Variants in SLC7A7 observed in about 807,000 individuals in gnomAD.
SLC7A7 encodes Y+L amino acid transporter 1.
SLC7A7 carries 39 observed loss-of-function variants against 47.9 expected under a neutral mutation model. The ratio of observed to expected loss-of-function variants is 0.81; its 90% CI spans 0.63 to 1.06. The LOEUF is 1.06. Among genes scored for constraint, SLC7A7 ranks in the 50% least tolerant of loss-of-function variants. The pLI, the probability that SLC7A7 is intolerant of heterozygous loss-of-function variation, is 0.00. For missense variants in SLC7A7, 588 were observed against 632.0 expected (o/e 0.93, Z 0.75); for synonymous variants, 234 against 242.8 (o/e 0.96, Z 0.34).
At chr14:22,781,103 T>C (rs1200216852) in intron 2 of SLC7A7, among the ~76,000 whole-genome samples, 2 of 152,140 alleles carry the variant, frequency 1.3e-5, no homozygotes, top group East Asian at 3.9e-4. Context: ...ACTGGAACAC[T>C]ATAAGGAGGG....
In SLC7A7 at chr14:22,782,939, A is replaced by ATT. The variant is rs34783556; in HGVS notation, c.500-2890_500-2889dup. On this transcript the variant is annotated intron_variant, in intron 2 of 9. Coordinates refer to ENST00000674313, the MANE Select transcript of SLC7A7 (RefSeq NM_003982.4). ...CACCATGCCCAGCTAATTTGTTTTA[A>ATT]TTTTTTTTTTTTTTGAGATGGAGTC... 8.4e-3 allele frequency among the ~76,000 whole-genome samples: 1,205 copies of ATT among 143,354 alleles called. 18 individuals carry two copies. Among genetic ancestry groups the ATT allele is most frequent in the African/African-American group, 0.028 (1,091 of 38,866 alleles). 94.0% of individuals were successfully genotyped at this position (143,354 alleles called of 152,430 possible).
chr14:22,809,091 G>T (rs1205443404), intron 2 of SLC7A7, among the ~76,000 whole-genome samples: 1 of 152,246 alleles, frequency 6.6e-6, no homozygotes, highest in African/African-American at 2.4e-5. Flanking sequence ...TGTCACACAT[G>T]TGTGTACAAA....
At chr14:22,782,996 C>T (rs1001718933) in intron 2 of SLC7A7, among the ~76,000 whole-genome samples, 31 of 149,706 alleles carry the variant, frequency 2.1e-4, no homozygotes, top group East Asian at 2.0e-4. Context: ...TGCAGTGGTG[C>T]GATCTCAGCT....
intron 4 of SLC7A7, among the ~76,000 whole-genome samples, chr14:22,776,769 A>G (rs1451986271): frequency 6.6e-6 from 1 of 152,116 alleles, no homozygotes; most frequent in Non-Finnish European, 1.5e-5. Flanking sequence ...GGAGTTCAAG[A>G]CCAGCCTGGC....
intron 2 of SLC7A7, among the ~76,000 whole-genome samples, chr14:22,781,534 G>A (rs143021421): frequency 7.2e-5 from 11 of 152,258 alleles, no homozygotes; most frequent in Admixed American, 6.5e-5. Flanking sequence ...GGGCAAAAAT[G>A]TACCCACAGC....
rs754387668 is a variant in SLC7A7 at position 22,813,126 on chromosome 14, C to T, written c.273G>A (p.Ala91=). 5.8e-5 allele frequency: 94 copies of T among 1,613,930 alleles called. No individual in the cohort carries two copies. The highest frequency in any genetic ancestry group is 6.9e-5 in the Non-Finnish European group (81 of 1,180,008). ...LFSVFGALCY[A]ELGTTIKKSG... Reference sequence around the variant, plus strand: ...ATTTCTTAATGGTGGTGCCCAGTTCCGCATAACAAAGGGCCCCAAAGACGG... The same window carrying T: ...ATTTCTTAATGGTGGTGCCCAGTTCTGCATAACAAAGGGCCCCAAAGACGG... The change falls in exon 2 of 10, where the codon GCG becomes GCA. Residue 91 remains alanine (A), a synonymous_variant. Coordinates refer to ENST00000674313, the MANE Select transcript of SLC7A7 (RefSeq NM_003982.4).
At chr14:22,815,642 C>T (rs971880718), upstream of SLC7A7, 3 of 453,912 alleles carry the variant, frequency 6.6e-6, no homozygotes, top group African/African-American at 6.0e-5. Flanking sequence ...CAGGAATCTC[C>T]TTTGTCAGCT....
upstream of SLC7A7, chr14:22,816,483 G>A (rs2039409316): frequency 6.8e-6 from 1 of 147,222 alleles, no homozygotes; most frequent in Non-Finnish European, 1.5e-5. Context: ...CTCCAGCCTG[G>A]GCAACACAGC....
chr14:22,810,147 G>A (rs1594981848), intron 2 of SLC7A7, among the ~76,000 whole-genome samples: 1 of 150,716 alleles, frequency 6.6e-6, no homozygotes, highest in Non-Finnish European at 1.5e-5. Flanking sequence ...TGTCAGAAAT[G>A]ACACAGACAA....
At chr14:22,773,829 TAAG>T (rs2038530823) in intron 9 of SLC7A7, 101 bp downstream of exon 9, 1 of 1,562,408 alleles carries the variant, frequency 6.4e-7, no homozygotes, top group Non-Finnish European at 8.8e-7. Context: ...GAAGGGTTCA[TAAG>T]AAGGGGCTAA....
At chr14:22,802,435 C>A (rs115388140) in intron 2 of SLC7A7, among the ~76,000 whole-genome samples, 29,953 of 150,816 alleles carry the variant, frequency 0.2, 3,202 homozygotes, top group South Asian at 0.28. Context: ...AACAAACAAA[C>A]AAAAAAAATA....
chr14:22,811,030 C>T (rs1159518837), intron 2 of SLC7A7, among the ~76,000 whole-genome samples: 1 of 152,080 alleles, frequency 6.6e-6, no homozygotes, highest in Non-Finnish European at 1.5e-5. Flanking sequence ...AAAGCAGTGC[C>T]TTCCACCCCT....
At chr14:22,818,715 T>C (rs10136681), upstream of SLC7A7, among the ~76,000 whole-genome samples, 1,823 of 151,390 alleles carry the variant, frequency 0.012, 38 homozygotes, top group African/African-American at 0.041. Context: ...TGCCTCAGCC[T>C]CCCAAGTAGC....
At chr14:22,792,005 TTTTGTACTCTTAG>T (rs2038932335) in intron 2 of SLC7A7, among the ~76,000 whole-genome samples, 1 of 152,000 alleles carries the variant, frequency 6.6e-6, no homozygotes, top group Non-Finnish European at 1.5e-5. Context: ...CGGCTAATTT[TTTTGTACTCTTAG>T]TACAGACGGG....
rs373156106 is a variant in SLC7A7 at position 22,773,937 on chromosome 14, G to T, written c.1425C>A (p.Ile475=). ...ACTTAAGGATGCACGGCTTACCCAC[G>T]ATCCTTCGGAGGTAAAGCGGTCGCT... ...EHKRPLYLRR[I]VGSATRYLQV... is the part of the protein sequence containing the mutation. Residue 475 remains isoleucine, a synonymous_variant, in exon 9 of 10, where the codon ATC becomes ATA. Coordinates refer to ENST00000674313, the MANE Select transcript of SLC7A7 (RefSeq NM_003982.4). 8 of 1,614,052 alleles carry T rather than the reference G, an allele frequency of 5.0e-6. No individual in the cohort carries two copies. Among genetic ancestry groups the T allele is most frequent in the South Asian group, 3.3e-5 (3 of 91,076 alleles).
intron 2 of SLC7A7, among the ~76,000 whole-genome samples, chr14:22,803,226 C>A (rs1031845677): frequency 2.0e-5 from 3 of 151,972 alleles, no homozygotes; most frequent in Non-Finnish European, 2.9e-5. Context: ...TTGAGACCAG[C>A]CTGACTAACA....
intron 2 of SLC7A7, among the ~76,000 whole-genome samples, chr14:22,812,387 G>C (rs35758383): frequency 7.3e-5 from 11 of 151,530 alleles, no homozygotes; most frequent in African/African-American, 2.7e-4. Context: ...GGCTAGTCTC[G>C]AACTCCTGAC....
chr14:22,787,277 A>G (rs1024625937), intron 2 of SLC7A7, among the ~76,000 whole-genome samples: 3 of 151,766 alleles, frequency 2.0e-5, no homozygotes, highest in South Asian at 2.1e-4. Flanking sequence ...CTCTACTAAA[A>G]GAACAAAAAT....
chr14:22,798,995 C>G (rs1218115695), intron 2 of SLC7A7, among the ~76,000 whole-genome samples: 1 of 152,096 alleles, frequency 6.6e-6, no homozygotes, highest in Non-Finnish European at 1.5e-5. Context: ...AACAGTTATC[C>G]TTGTACCCAT....
Sources: gnomAD v4.1 joint callset for allele counts (sites outside exome capture counted in the v4.1 genomes callset) on GRCh38, gnomAD v4.1.1 for gene constraint, MANE v1.5 for transcripts, NCBI Gene and HGNC (gene_info 2026-07-23, HGNC 2026-07-21) for gene names.